Variants in HMBOX1 observed in about 807,000 individuals in gnomAD.
HMBOX1 encodes the protein homeobox containing 1.
HMBOX1 carries 14 observed loss-of-function variants against 54.5 expected under a neutral mutation model. That is an observed-to-expected ratio of 0.26 (90% CI 0.17 to 0.40). The LOEUF is 0.40. HMBOX1 is among the 10% of genes least tolerant of loss of function. The pLI, the probability that HMBOX1 is intolerant of heterozygous loss-of-function variation, is 1.00. For synonymous variants in HMBOX1, 160 were observed against 181.0 expected (o/e 0.88, Z 0.93); for missense variants, 332 against 514.4 (o/e 0.65, Z 3.43).
chr8:29,017,899 T>C (rs1308700636), intron 5 of HMBOX1, among the ~76,000 whole-genome samples: 4 of 152,218 alleles, frequency 2.6e-5, no homozygotes, highest in African/African-American at 9.6e-5. Flanking sequence ...AACATATTTA[T>C]TAATATTGCA....
At chr8:28,967,228 G>T (rs369504556) in intron 2 of HMBOX1, among the ~76,000 whole-genome samples, 27 of 152,138 alleles carry the variant, frequency 1.8e-4, no homozygotes, top group African/African-American at 5.1e-4. Flanking sequence ...GGGGTATTAC[G>T]AGTGATAGCC....
intron 1 of HMBOX1, among the ~76,000 whole-genome samples, chr8:28,960,791 T>G (rs1377876011): frequency 2.4e-4 from 26 of 109,380 alleles, no homozygotes; most frequent in East Asian, 1.1e-3. Context: ...TTTTTTTTTT[T>G]TTTTTTTTTT....
chr8:28,951,813 T>C (rs1196928996), intron 1 of HMBOX1, among the ~76,000 whole-genome samples: 1 of 152,196 alleles, frequency 6.6e-6, no homozygotes, highest in Non-Finnish European at 1.5e-5. Flanking sequence ...TGTGTTGAAT[T>C]TGGGGAGCCA....
Position 29,009,143 on chromosome 8 carries a change from G to C in HMBOX1, c.658G>C (p.Ala220Pro). The C allele has an allele frequency of 6.2e-7, 1 of 1,613,476 alleles. No individual in the cohort carries two copies. The highest frequency in any genetic ancestry group is 8.5e-7 in the Non-Finnish European group (1 of 1,179,458). The change falls in exon 5 of 10, where the codon GCA (alanine) becomes CCA (proline). Residue 220 changes from alanine (A) to proline (P), a missense_variant. Ala to Pro is a conservative substitution (Grantham distance 27, BLOSUM62 -1). This residue lies in a region of HMBOX1 where 117 missense variants were observed against 220.0 expected (regional missense o/e 0.53). Transcript: ENST00000287701. ...AGACCTGAGTGAACAGAAGAAAAGA[G>C]CATTTTACCGATGGTATCAACTTGA... The part of the protein sequence containing the change: ...GSDLSEQKKR[A>P]FYRWYQLEKT...
intron 6 of HMBOX1, among the ~76,000 whole-genome samples, chr8:29,019,506 A>C (rs761149797): frequency 6.6e-6 from 1 of 152,148 alleles, no homozygotes. Flanking sequence ...CATACTTAGC[A>C]TAGATCCTAT....
chr8:29,049,109 G>A (rs1563649771), intron 9 of HMBOX1, 61 bp downstream of exon 9: 1 of 1,535,818 alleles, frequency 6.5e-7, no homozygotes, highest in East Asian at 2.3e-5. Context: ...TAGTGGGACA[G>A]CTTAGTTCCT....
At chr8:28,935,348 CTG>C (rs892759834) in intron 1 of HMBOX1, among the ~76,000 whole-genome samples, 7 of 152,070 alleles carry the variant, frequency 4.6e-5, no homozygotes, top group African/African-American at 1.7e-4. Flanking sequence ...CAACTTAAGA[CTG>C]TGTGATGTTA....
intron 1 of HMBOX1, among the ~76,000 whole-genome samples, chr8:28,954,079 T>C (rs1468483689): frequency 6.6e-6 from 1 of 152,170 alleles, no homozygotes; most frequent in Non-Finnish European, 1.5e-5. Context: ...TTTATTTTTA[T>C]ATTTATGTAT....
intron 3 of HMBOX1, among the ~76,000 whole-genome samples, chr8:28,979,031 A>G (rs1451251465): frequency 1.3e-5 from 2 of 152,206 alleles, no homozygotes; most frequent in African/African-American, 4.8e-5. Context: ...ATCTGTGAAA[A>G]TGATCCTTAG....
At chr8:29,050,300 GTACA>G in intron 9 of HMBOX1, 1 of 796,590 alleles carries the variant, frequency 1.3e-6, no homozygotes, top group Non-Finnish European at 1.5e-6. Flanking sequence ...AGTGCCTGAC[GTACA>G]TCCTGCAATG....
intron 2 of HMBOX1, among the ~76,000 whole-genome samples, chr8:28,965,591 GGGA>G (rs2132297764): frequency 6.6e-6 from 1 of 152,276 alleles, no homozygotes; most frequent in Non-Finnish European, 1.5e-5. Context: ...AGCAGTTCTT[GGGA>G]GAGGCTGGCT....
At chr8:28,990,310 G>A (rs1371663202) in intron 4 of HMBOX1, among the ~76,000 whole-genome samples, 1 of 152,128 alleles carries the variant, frequency 6.6e-6, no homozygotes, top group African/African-American at 2.4e-5. Flanking sequence ...GATCTTAGCT[G>A]TAAGTTTTTC....
At chr8:28,992,747 G>A (rs927771021) in intron 4 of HMBOX1, among the ~76,000 whole-genome samples, 18 of 151,672 alleles carry the variant, frequency 1.2e-4, no homozygotes, top group African/African-American at 3.9e-4. Flanking sequence ...GTATGTGCCT[G>A]TAATCCCAGC....
chr8:28,909,387 C>T (rs1212263248), intron 1 of HMBOX1, among the ~76,000 whole-genome samples: 1 of 152,044 alleles, frequency 6.6e-6, no homozygotes, highest in Admixed American at 6.6e-5. Context: ...AAATATGATA[C>T]AAGTCCAAAT....
In HMBOX1 at chr8:29,051,617, A is replaced by C; in HGVS notation, c.*462A>C. On this transcript the variant is annotated 3_prime_UTR_variant, in exon 10 of 10. Coordinates refer to ENST00000287701, the MANE Select transcript of HMBOX1 (RefSeq NM_001135726.3). Reference sequence around the variant, plus strand: ...CAGACACCATTTGGGGAGTATCCACAGAGTCAAAGGAACACTAGAATCCCC... The same window carrying C: ...CAGACACCATTTGGGGAGTATCCACCGAGTCAAAGGAACACTAGAATCCCC... The C allele has an allele frequency of 1.4e-6, 1 of 703,002 alleles. No individual in the cohort carries two copies. The highest frequency in any genetic ancestry group is 2.6e-6 in the Non-Finnish European group (1 of 384,976). 43.5% of individuals were successfully genotyped at this position (703,002 alleles called of 1,614,324 possible).
intron 1 of HMBOX1, among the ~76,000 whole-genome samples, chr8:28,932,180 G>A (rs939270186): frequency 6.6e-6 from 1 of 152,170 alleles, no homozygotes; most frequent in African/African-American, 2.4e-5. Context: ...ATGGGCTTGG[G>A]GTATTCAAGG....
At chr8:29,009,623 T>C in intron 5 of HMBOX1, 1 of 1,228,486 alleles carries the variant, frequency 8.1e-7, no homozygotes, top group South Asian at 1.4e-5. Context: ...TGATCTCTGC[T>C]AATGATTTTT....
intron 1 of HMBOX1, among the ~76,000 whole-genome samples, chr8:28,914,544 A>G (rs1455004588): frequency 2.0e-5 from 3 of 152,196 alleles, no homozygotes; most frequent in African/African-American, 4.8e-5. Flanking sequence ...ACACGCCTTC[A>G]CTTGTCTTGA....
intron 1 of HMBOX1, among the ~76,000 whole-genome samples, chr8:28,938,611 A>C (rs1273563564): frequency 6.7e-6 from 1 of 150,150 alleles, no homozygotes; most frequent in Non-Finnish European, 1.5e-5. Flanking sequence ...CACTCCTGGC[A>C]ATTTTTTTTT....
Sources: allele counts gnomAD v4.1 joint callset (sites outside exome capture counted in the v4.1 genomes callset), GRCh38; gene constraint gnomAD v4.1.1; regional missense constraint gnomAD v4.1.1; transcripts MANE v1.5; gene names NCBI Gene and HGNC (gene_info 2026-07-23, HGNC 2026-07-21).